ARID5B: variants seen among roughly 807,000 people sequenced by gnomAD.
ARID5B encodes the protein AT-rich interaction domain 5B, also known as AT-rich interactive domain-containing protein 5B.
ARID5B carries 13 observed loss-of-function variants against 97.2 expected under a neutral mutation model. The observed-to-expected ratio is 0.13, with a 90% CI of 0.09 to 0.21. ARID5B has a LOEUF of 0.21. Ranked by LOEUF, ARID5B falls within the 10% of genes least tolerant of loss-of-function variation. The probability of loss-of-function intolerance (pLI) is 1.00; values close to 1 mark genes in which losing one functional copy is unlikely to be tolerated. For synonymous variants in ARID5B, 556 were observed against 570.3 expected, an observed-to-expected ratio of 0.97 and a Z score of 0.36; for missense variants, 1,210 against 1,465.3, an observed-to-expected ratio of 0.83 and a Z score of 2.84.
intron 2 of ARID5B, among the ~76,000 whole-genome samples, chr10:61,911,160 C>A (rs1253058679): frequency 6.6e-6 from 1 of 152,150 alleles, no homozygotes; most frequent in Non-Finnish European, 1.5e-5. Flanking sequence ...GCTTTCTACA[C>A]CCTCAAGCAT....
chr10:61,954,522 G>A (rs1023761699), intron 3 of ARID5B, among the ~76,000 whole-genome samples: 3 of 152,182 alleles, frequency 2.0e-5, no homozygotes, highest in South Asian at 2.1e-4. Context: ...AAAATTTCGT[G>A]CCAGGAATTC....
intron 8 of ARID5B, among the ~76,000 whole-genome samples, chr10:62,083,027 A>ATT (rs1840233913): frequency 6.6e-6 from 1 of 151,542 alleles, no homozygotes; most frequent in Non-Finnish European, 1.5e-5. Flanking sequence ...GAAGGGGGGG[A>ATT]AAAAACACTC....
At chr10:62,084,892 T>C (rs1249107645) in intron 8 of ARID5B, among the ~76,000 whole-genome samples, 4 of 152,234 alleles carry the variant, frequency 2.6e-5, no homozygotes. Flanking sequence ...GGCGGTCTTT[T>C]ACTTAGCACA....
intron 3 of ARID5B, among the ~76,000 whole-genome samples, chr10:61,948,065 C>A (rs948034569): frequency 6.6e-6 from 1 of 152,120 alleles, no homozygotes; most frequent in Non-Finnish European, 1.5e-5. Flanking sequence ...CCTACTTTTC[C>A]ATTTGGAGAT....
intron 3 of ARID5B, among the ~76,000 whole-genome samples, chr10:61,942,195 A>C (rs1844422437): frequency 6.6e-6 from 1 of 152,218 alleles, no homozygotes; most frequent in Non-Finnish European, 1.5e-5. Flanking sequence ...AATGAACAGG[A>C]AAATAAGTCT....
chr10:62,052,901 T>C (rs907028492), intron 5 of ARID5B, among the ~76,000 whole-genome samples: 7 of 152,214 alleles, frequency 4.6e-5, no homozygotes, highest in Non-Finnish European at 8.8e-5. Context: ...ACTGGTCTAA[T>C]GGCTTGGCTC....
intron 4 of ARID5B, among the ~76,000 whole-genome samples, chr10:62,027,922 T>C (rs560718974): frequency 6.6e-6 from 1 of 152,304 alleles, no homozygotes; most frequent in African/African-American, 2.4e-5. Context: ...CTCACCTTGC[T>C]GCATCTCTCT....
At chr10:62,029,092 T>C (rs949073972) in intron 4 of ARID5B, among the ~76,000 whole-genome samples, 1 of 152,306 alleles carries the variant, frequency 6.6e-6, no homozygotes, top group African/African-American at 2.4e-5. Context: ...AAACTGTTCG[T>C]GGGACACTTT....
chr10:61,969,593 T>C (rs1838596265), intron 3 of ARID5B, among the ~76,000 whole-genome samples: 1 of 152,176 alleles, frequency 6.6e-6, no homozygotes, highest in Non-Finnish European at 1.5e-5. Flanking sequence ...TCAGCCTTCT[T>C]GACCCTTCGG....
At chr10:61,952,269 T>C (rs1838333420) in intron 3 of ARID5B, among the ~76,000 whole-genome samples, 1 of 152,228 alleles carries the variant, frequency 6.6e-6, no homozygotes, top group African/African-American at 2.4e-5. Context: ...GAGTCCTACC[T>C]GTGGGAATTC....
intron 2 of ARID5B, among the ~76,000 whole-genome samples, chr10:61,919,990 T>C (rs1469698889): frequency 1.3e-5 from 2 of 152,208 alleles, no homozygotes; most frequent in Non-Finnish European, 2.9e-5. Flanking sequence ...AGATCAGTAA[T>C]TCAAGAGACA....
intron 3 of ARID5B, among the ~76,000 whole-genome samples, chr10:61,963,958 G>T (rs547834242): frequency 6.6e-6 from 1 of 152,204 alleles, no homozygotes; most frequent in South Asian, 2.1e-4. Context: ...GCCAGGATCT[G>T]CCCCAGAGTG....
rs928621320 is a variant in ARID5B, at chr10:61,917,957, G to T, written c.276+15544G>T. 7.2e-5 allele frequency among the ~76,000 whole-genome samples: 11 copies of T among 152,136 alleles called. 1 individual carries two copies. Among genetic ancestry groups the T allele is most frequent in the African/African-American group, 2.7e-4 (11 of 41,422 alleles). ...CATCCTGGAAGGTGTCCTGGAGAAG[G>T]GGCCCTTGAAAACACCTAGGGATGG... On this transcript the variant is annotated intron_variant, in intron 2 of 9. Transcript: ENST00000279873.
intron 9 of ARID5B, among the ~76,000 whole-genome samples, chr10:62,089,227 T>A (rs1289779568): frequency 6.6e-6 from 1 of 152,190 alleles, no homozygotes; most frequent in African/African-American, 2.4e-5. Context: ...TAATGATATT[T>A]GTACTGGAAA....
intron 9 of ARID5B, among the ~76,000 whole-genome samples, chr10:62,090,600 A>G (rs528788871): frequency 6.6e-6 from 1 of 152,360 alleles, no homozygotes; most frequent in Non-Finnish European, 1.5e-5. Context: ...ATTGTATACC[A>G]TCAGTACATA....
At chr10:61,963,310 C>T (rs901535332) in intron 3 of ARID5B, among the ~76,000 whole-genome samples, 2 of 152,148 alleles carry the variant, frequency 1.3e-5, no homozygotes, top group Non-Finnish European at 2.9e-5. Flanking sequence ...CCTGGTTTAT[C>T]TCCTGTTTTA....
intron 2 of ARID5B, among the ~76,000 whole-genome samples, chr10:61,917,770 G>C (rs1257830792): frequency 2.0e-5 from 3 of 152,178 alleles, no homozygotes; most frequent in Non-Finnish European, 4.4e-5. Flanking sequence ...GGTGGGGAGA[G>C]CCACGTGGAT....
chr10:61,936,388 C>T (rs1844300408), intron 2 of ARID5B, among the ~76,000 whole-genome samples: 1 of 152,240 alleles, frequency 6.6e-6, no homozygotes, highest in African/African-American at 2.4e-5. Flanking sequence ...GAGGCCAAGG[C>T]AGGCAGATCA....
At chr10:61,952,843 GGTGTGTGTGT>G (rs59658634) in intron 3 of ARID5B, among the ~76,000 whole-genome samples, 2 of 147,776 alleles carry the variant, frequency 1.4e-5, no homozygotes, top group African/African-American at 2.5e-5. Flanking sequence ...TGGTGTTATA[GGTGTGTGTGT>G]GTGTGTGTGT....
Sources: gnomAD v4.1 joint callset for allele counts (sites outside exome capture counted in the v4.1 genomes callset) on GRCh38, gnomAD v4.1.1 for gene constraint, MANE v1.5 for transcripts, NCBI Gene and HGNC (gene_info 2026-07-23, HGNC 2026-07-21) for gene names.